Variants in FERMT2 observed in about 807,000 individuals in gnomAD.
The protein encoded by FERMT2 is fermitin family homolog 2.
FERMT2 carries 15 observed loss-of-function variants against 82.7 expected under a neutral mutation model. That is an observed-to-expected ratio of 0.18 (90% CI 0.12 to 0.28). FERMT2 has a LOEUF of 0.28. FERMT2 is among the 10% of genes least tolerant of loss of function. The pLI, the probability that FERMT2 is intolerant of heterozygous loss-of-function variation, is 1.00. For synonymous variants in FERMT2, 274 were observed against 271.5 expected, an observed-to-expected ratio of 1.01 and a Z score of -0.09; for missense variants, 645 against 809.4, an observed-to-expected ratio of 0.80 and a Z score of 2.46.
chr14:52,872,688 G>T, intron 10 of FERMT2, 111 bp downstream of exon 10: 1 of 1,097,104 alleles, frequency 9.1e-7, no homozygotes, highest in Non-Finnish European at 1.3e-6. Context: ...ACCCAAAGGA[G>T]TAAAGAAATT....
intron 4 of FERMT2, among the ~76,000 whole-genome samples, chr14:52,882,515 C>T (rs1886354257): frequency 6.6e-6 from 1 of 152,160 alleles, no homozygotes; most frequent in Non-Finnish European, 1.5e-5. Flanking sequence ...TTCAGAATGA[C>T]ATTAAGGACA....
intron 3 of FERMT2, among the ~76,000 whole-genome samples, chr14:52,905,053 G>T (rs1887917835): frequency 6.6e-6 from 1 of 151,756 alleles, no homozygotes; most frequent in South Asian, 2.1e-4. Context: ...GCTGGGTGTG[G>T]TGGTGTGCGC....
At position 52,861,316 on chromosome 14, in the gene FERMT2, T is replaced by C. The variant is rs149723624; in HGVS notation, c.1603-851A>G. 3 of 393,466 alleles carry C rather than the reference T, an allele frequency of 7.6e-6. No individual in the cohort carries two copies. The East Asian group carries it at 1.5e-4, about 20-fold the overall frequency. 24.4% of individuals were successfully genotyped at this position (393,466 alleles called of 1,614,324 possible). On this transcript the variant is annotated intron_variant, in intron 12 of 14. Transcript: ENST00000341590. ...TTGCTAAAGAACCTAAGGGTAGAAA[T>C]TTGTAGGGAGAAGATAAAAAGAGCA...
chr14:52,860,153 T>C (rs1000796014), intron 13 of FERMT2, 188 bp downstream of exon 13: 4 of 553,028 alleles, frequency 7.2e-6, no homozygotes, highest in Non-Finnish European at 1.2e-5. Flanking sequence ...ACAAACACAA[T>C]TATCTTGAAT....
chr14:52,940,387 C>T (rs1890037551), intron 2 of FERMT2, among the ~76,000 whole-genome samples: 1 of 152,190 alleles, frequency 6.6e-6, no homozygotes, highest in Non-Finnish European at 1.5e-5. Flanking sequence ...TACCATAAGA[C>T]ATCATTTTCA....
chr14:52,878,007 T>C (rs1886073521), intron 7 of FERMT2, among the ~76,000 whole-genome samples: 1 of 152,170 alleles, frequency 6.6e-6, no homozygotes. Flanking sequence ...AGCTCCCCTA[T>C]AATTCTGAAG....
chr14:52,904,720 C>T (rs1051680556), intron 3 of FERMT2, among the ~76,000 whole-genome samples: 5 of 147,480 alleles, frequency 3.4e-5, no homozygotes, highest in African/African-American at 1.0e-4. Context: ...ACAAACAAAC[C>T]AGCCTGGGAA....
At chr14:52,870,437 C>T (rs1203648676) in intron 10 of FERMT2, among the ~76,000 whole-genome samples, 7 of 151,984 alleles carry the variant, frequency 4.6e-5, no homozygotes, top group South Asian at 2.1e-4. Context: ...TTAGTAGAGA[C>T]GGGGTTTCTC....
chr14:52,884,179 T>C lies in FERMT2; in HGVS notation c.527-2710A>G, dbSNP rs560672831. The stretch of plus-strand genomic sequence containing the variant: ...GTTCTTATTTGTTCTGTAGGCACTA[T>C]GTGATAATAAACTCACTTAGCGTTC... On this transcript the variant is annotated intron_variant, in intron 4 of 14. Coordinates refer to ENST00000341590, the MANE Select transcript of FERMT2 (RefSeq NM_006832.3). Among the ~76,000 whole-genome samples the C allele has an allele frequency of 3.0e-3, 455 of 152,380 alleles. 2 individuals carry two copies. The highest frequency in any genetic ancestry group is 5.0e-3 in the Non-Finnish European group (341 of 68,042).
At chr14:52,873,116 T>C (rs1026457516) in intron 9 of FERMT2, among the ~76,000 whole-genome samples, 193 bp from the exon 10 acceptor site, 2 of 152,170 alleles carry the variant, frequency 1.3e-5, no homozygotes, top group African/African-American at 4.8e-5. Flanking sequence ...CAATCTACTC[T>C]AGAAGATCCC....
intron 2 of FERMT2, among the ~76,000 whole-genome samples, chr14:52,936,398 T>C (rs1219412928): frequency 6.6e-6 from 1 of 152,228 alleles, no homozygotes; most frequent in Non-Finnish European, 1.5e-5. Context: ...ATGAAACTGA[T>C]GAATTTCCAA....
At chr14:52,863,487 G>A (rs1885081460) in intron 12 of FERMT2, 1 of 152,156 alleles carries the variant, frequency 6.6e-6, no homozygotes, top group African/African-American at 2.4e-5. Context: ...GTTGGGGGCA[G>A]AGAATACCAG....
rs114425935 is a variant in FERMT2 at position 52,859,467 on chromosome 14, A to G, written c.1869+106T>C. The G allele has an allele frequency of 2.3e-3, 2,442 of 1,051,966 alleles. 52 individuals are homozygous for G. In the African/African-American group the frequency reaches 0.036, roughly 15 times the overall value. The allele number at this position is 1,051,966 out of a possible 1,614,324, so 65.2% of individuals were successfully genotyped here. ...AACCATGGTCTGTCTGTACTTTAAGAGGTGGTGGTACAAATAATCATCAGA... is the reference window on the plus strand; with the variant it reads ...AACCATGGTCTGTCTGTACTTTAAGGGGTGGTGGTACAAATAATCATCAGA... On this transcript the variant is annotated intron_variant, in intron 14 of 14. Coordinates refer to ENST00000341590, the MANE Select transcript of FERMT2 (RefSeq NM_006832.3).
At chr14:52,877,699 C>T (rs1886055320) in intron 7 of FERMT2, among the ~76,000 whole-genome samples, 1 of 145,528 alleles carries the variant, frequency 6.9e-6, no homozygotes, top group African/African-American at 2.5e-5. Flanking sequence ...AGACTGAGAG[C>T]ATTTTTGTTT....
intron 2 of FERMT2, among the ~76,000 whole-genome samples, chr14:52,936,323 A>G (rs1489731932): frequency 6.6e-6 from 1 of 152,330 alleles, no homozygotes; most frequent in African/African-American, 2.4e-5. Context: ...TGTATACTGG[A>G]AAAATTATTT....
intron 2 of FERMT2, among the ~76,000 whole-genome samples, chr14:52,937,064 A>G (rs972717504): frequency 1.3e-5 from 2 of 152,088 alleles, no homozygotes; most frequent in African/African-American, 2.4e-5. Context: ...CAGGAGGCTG[A>G]GGCACGAGAA....
At chr14:52,915,875 A>C (rs1888586956) in intron 3 of FERMT2, among the ~76,000 whole-genome samples, 1 of 152,212 alleles carries the variant, frequency 6.6e-6, no homozygotes, top group African/African-American at 2.4e-5. Flanking sequence ...ACTACAAATC[A>C]ATGGTGAACG....
intron 4 of FERMT2, among the ~76,000 whole-genome samples, chr14:52,890,422 G>C (rs1886870221): frequency 2.0e-5 from 1 of 51,204 alleles, no homozygotes; most frequent in Non-Finnish European, 8.1e-5. Context: ...TCCGGCCTGG[G>C]CGACAGAGTG....
intron 10 of FERMT2, among the ~76,000 whole-genome samples, chr14:52,871,261 T>C (rs1216986067): frequency 1.3e-5 from 2 of 152,124 alleles, no homozygotes; most frequent in African/African-American, 2.4e-5. Context: ...AAGTGTATTT[T>C]AGTTTTTTAG....
Sources: allele counts gnomAD v4.1 joint callset (sites outside exome capture counted in the v4.1 genomes callset), GRCh38; gene constraint gnomAD v4.1.1; transcripts MANE v1.5; gene names NCBI Gene and HGNC (gene_info 2026-07-23, HGNC 2026-07-21).